The following PPP2R2B variants were observed in gnomAD, a reference collection of about 807,000 sequenced individuals.
PPP2R2B encodes protein phosphatase 2 regulatory subunit Bbeta.
In PPP2R2B, 5 loss-of-function variants were observed where a neutral mutation model predicts 46.0. The ratio of observed to expected loss-of-function variants is 0.11; its 90% CI spans 0.06 to 0.23. The LOEUF (loss-of-function observed/expected upper bound fraction) is 0.23, where lower values mean the gene tolerates loss of function less well. Ranked by LOEUF, PPP2R2B falls within the 10% of genes least tolerant of loss-of-function variation. PPP2R2B has a pLI of 1.00. For synonymous variants in PPP2R2B, 215 were observed against 206.7 expected (o/e 1.04, Z -0.34); for missense variants, 367 against 575.0 (o/e 0.64, Z 3.70).
intron 2 of PPP2R2B, among the ~76,000 whole-genome samples, chr5:146,811,072 C>A (rs1757513479): frequency 6.6e-6 from 1 of 152,160 alleles, no homozygotes; most frequent in African/African-American, 2.4e-5. Flanking sequence ...GGTGCGATCT[C>A]AGCTCACTGC....
intron 7 of PPP2R2B, among the ~76,000 whole-genome samples, chr5:146,602,973 T>A (rs1416672475): frequency 1.3e-5 from 2 of 152,190 alleles, no homozygotes; most frequent in African/African-American, 2.4e-5. Context: ...AAATTCCAAG[T>A]AAAACACCTG....
intron 2 of PPP2R2B, among the ~76,000 whole-genome samples, chr5:146,747,629 A>G (rs1047975173): frequency 5.3e-5 from 8 of 152,232 alleles, no homozygotes; most frequent in South Asian, 2.1e-4. Context: ...ATCAAAATCA[A>G]TGTGGAGCAG....
intron 6 of PPP2R2B, among the ~76,000 whole-genome samples, chr5:146,643,367 AG>A (rs1342841314): frequency 6.6e-6 from 1 of 152,202 alleles, no homozygotes; most frequent in East Asian, 1.9e-4. Flanking sequence ...ATATTCTAGT[AG>A]GGAACAGTCA....
Position 146,678,298 on chromosome 5 carries a change from C to A in PPP2R2B, c.447+12830G>T, listed in dbSNP as rs6866833. 9.2e-3 allele frequency among the ~76,000 whole-genome samples: 1,383 copies of A among 150,558 alleles called. 34 individuals are homozygous for A. Among genetic ancestry groups the A allele is most frequent in the South Asian group, 0.045 (213 of 4,784 alleles). On this transcript the variant is annotated intron_variant, in intron 5 of 9. Transcript: ENST00000394411. The stretch of plus-strand genomic sequence containing the variant: ...CAGAGCCAAAGACAAAAACCACATG[C>A]TTATCTCAATAGATGCAGAAAAAGC...
chr5:146,617,857 G>C (rs1278488211), intron 7 of PPP2R2B, among the ~76,000 whole-genome samples: 3 of 152,082 alleles, frequency 2.0e-5, no homozygotes, highest in Non-Finnish European at 4.4e-5. Context: ...ACCACGCCCA[G>C]CTAATTTTTG....
At chr5:147,042,382 A>G (rs1378258907) in intron 1 of PPP2R2B, among the ~76,000 whole-genome samples, 1 of 152,106 alleles carries the variant, frequency 6.6e-6, no homozygotes, top group East Asian at 1.9e-4. Flanking sequence ...CTCAGGTACA[A>G]CAACAGGGTG....
chr5:146,775,175 A>T (rs553525528), intron 2 of PPP2R2B, among the ~76,000 whole-genome samples: 1 of 152,206 alleles, frequency 6.6e-6, no homozygotes, highest in Non-Finnish European at 1.5e-5. Flanking sequence ...CTAAAGTCAG[A>T]CAGACAACAC....
chr5:146,874,455 A>G (rs1170382835), intron 2 of PPP2R2B, among the ~76,000 whole-genome samples: 1 of 152,372 alleles, frequency 6.6e-6, no homozygotes, highest in Admixed American at 6.5e-5. Flanking sequence ...CAGGAAGTAC[A>G]TTAAGTAACA....
chr5:146,658,631 G>T (rs1434992482), intron 5 of PPP2R2B, among the ~76,000 whole-genome samples: 3 of 152,104 alleles, frequency 2.0e-5, no homozygotes, highest in African/African-American at 7.2e-5. Context: ...TAACTTCCAT[G>T]TTCTCCTTCC....
chr5:146,697,170 T>C (rs1334924173), intron 4 of PPP2R2B, among the ~76,000 whole-genome samples: 3 of 152,234 alleles, frequency 2.0e-5, no homozygotes, highest in Non-Finnish European at 4.4e-5. Flanking sequence ...CTCCAACTCA[T>C]TTTCTTGGGA....
At chr5:146,999,116 T>C (rs1754052890) in intron 1 of PPP2R2B, among the ~76,000 whole-genome samples, 1 of 152,024 alleles carries the variant, frequency 6.6e-6, no homozygotes, top group African/African-American at 2.4e-5. Flanking sequence ...TGTGCATTCA[T>C]TGTTTGAGCA....
At position 147,050,689 on chromosome 5, in the gene PPP2R2B, C is replaced by T. The variant is rs56805672; in HGVS notation, c.79+4976G>A. On this transcript the variant is annotated intron_variant, in intron 1 of 8. Coordinates refer to the PPP2R2B transcript ENST00000336640. ...AGGGATAAACACACACACACACACA[C>T]GCATCCATACCTACATTGATATACA... Among the ~76,000 whole-genome samples, 1,465 of 151,732 alleles carry T rather than the reference C, an allele frequency of 9.7e-3. 68 individuals are homozygous for T. The East Asian group carries it at 0.15, about 15-fold the overall frequency.
chr5:146,620,581 CAA>C (rs1008091754), intron 7 of PPP2R2B, among the ~76,000 whole-genome samples: 6 of 152,102 alleles, frequency 3.9e-5, no homozygotes, highest in Non-Finnish European at 7.4e-5. Flanking sequence ...TGGTGAGTGG[CAA>C]AAGTGTCCAT....
At position 146,586,359 on chromosome 5, in the gene PPP2R2B, G is replaced by A. The variant is rs542082255; in HGVS notation, c.*3588C>T. On this transcript the variant is annotated 3_prime_UTR_variant, in exon 10 of 10. Transcript: ENST00000394411. ...TAAATCCTCATTATGAGGCCTACCA[G>A]GGCTTTCTTGAGCCCTGCAGGCAGC... The A allele has an allele frequency of 6.6e-6, 1 of 152,296 alleles. No individual in the cohort carries two copies. Among genetic ancestry groups the A allele is most frequent in the South Asian group, 2.1e-4 (1 of 4,814 alleles). The allele number at this position is 152,296 out of a possible 1,614,324, so 9.4% of individuals were successfully genotyped here.
intron 2 of PPP2R2B, among the ~76,000 whole-genome samples, chr5:146,813,507 G>A (rs1377397514): frequency 6.6e-6 from 1 of 152,108 alleles, no homozygotes; most frequent in African/African-American, 2.4e-5. Flanking sequence ...TCAGTGTGTC[G>A]CTCGGTTCCA....
chr5:146,623,633 A>C (rs188249459), intron 7 of PPP2R2B, among the ~76,000 whole-genome samples: 1 of 152,370 alleles, frequency 6.6e-6, no homozygotes, highest in East Asian at 1.9e-4. Flanking sequence ...AGAATATGCT[A>C]TTTGACCCTG....
intron 1 of PPP2R2B, among the ~76,000 whole-genome samples, chr5:146,975,956 G>A (rs1752880349): frequency 6.6e-6 from 1 of 151,802 alleles, no homozygotes; most frequent in Non-Finnish European, 1.5e-5. Flanking sequence ...GTCCTGTGAT[G>A]CATGGAAGTT....
At chr5:146,803,201 T>G (rs554943929) in intron 2 of PPP2R2B, among the ~76,000 whole-genome samples, 1 of 152,314 alleles carries the variant, frequency 6.6e-6, no homozygotes, top group African/African-American at 2.4e-5. Flanking sequence ...TTTTAAGTAT[T>G]AGGAGATCAA....
chr5:146,965,361 T>C (rs987802919), intron 1 of PPP2R2B, among the ~76,000 whole-genome samples: 3 of 152,218 alleles, frequency 2.0e-5, no homozygotes, highest in Non-Finnish European at 4.4e-5. Context: ...CATTTACTTG[T>C]TCAGAACGTT....
Sources: gnomAD v4.1 joint callset for allele counts (sites outside exome capture counted in the v4.1 genomes callset) on GRCh38, gnomAD v4.1.1 for gene constraint, MANE v1.5 for transcripts, NCBI Gene and HGNC (gene_info 2026-07-23, HGNC 2026-07-21) for gene names.